The following ALDH16A1 variants were observed in gnomAD, a reference collection of about 807,000 sequenced individuals.
The protein encoded by ALDH16A1 is aldehyde dehydrogenase 16 family member A1, also known as aldehyde dehydrogenase family 16 member A1.
A neutral mutation model predicts 96.1 loss-of-function variants in ALDH16A1; 88 were observed. The observed-to-expected ratio is 0.92, with a 90% CI of 0.77 to 1.09. The LOEUF (loss-of-function observed/expected upper bound fraction) is 1.09, where lower values mean the gene tolerates loss of function less well. Ranked by LOEUF, ALDH16A1 falls within the 50% of genes least tolerant of loss-of-function variation. The pLI, the probability that ALDH16A1 is intolerant of heterozygous loss-of-function variation, is 0.00. For synonymous variants in ALDH16A1, 522 were observed against 496.4 expected (o/e 1.05, Z -0.69); for missense variants, 1,250 against 1,112.6 (o/e 1.12, Z -1.76).
chr19:49,455,127 T>C (rs1310146850), intron 1 of ALDH16A1, among the ~76,000 whole-genome samples: 1 of 136,726 alleles, frequency 7.3e-6, no homozygotes, highest in Non-Finnish European at 1.6e-5. Flanking sequence ...CCAAAAAAAA[T>C]ACAAAAATGG....
chr19:49,464,679 C>T lies in ALDH16A1; in HGVS notation c.1485C>T (p.Ser495=), dbSNP rs755256724. The change falls in exon 12 of 17, where the codon TCC becomes TCT. Residue 495 remains serine (S), a synonymous_variant. Coordinates refer to ENST00000293350, the MANE Select transcript of ALDH16A1 (RefSeq NM_153329.4). ...CCTCAGGGACCCCTGCCCGGCTGTCCTGCCTCTCCAAGAACCTGAACTATG... is the reference window on the plus strand; with the variant it reads ...CCTCAGGGACCCCTGCCCGGCTGTCTTGCCTCTCCAAGAACCTGAACTATG... ...LRPSGTPARL[S]CLSKNLNYDT... 2.5e-6 allele frequency: 4 copies of T among 1,614,218 alleles called. No homozygotes were observed. The East Asian group carries it at 8.9e-5, about 36-fold the overall frequency.
chr19:49,462,436 C>T (rs904358937), intron 7 of ALDH16A1, 134 bp from the exon 8 acceptor site: 38 of 1,182,056 alleles, frequency 3.2e-5, no homozygotes, highest in Non-Finnish European at 4.5e-5. Context: ...CATCCGGCCT[C>T]TCTGTTCTTT....
At position 49,462,669 on chromosome 19, in the gene ALDH16A1, G is replaced by A; in HGVS notation, c.1012G>A (p.Gly338Arg). ...GCTTCGGAGTGGCCGAGGGCTGGAT[G>A]GGGCCGTGGACATGGGGGCCCGGGG... is the stretch of plus-strand genomic sequence containing the variant. ...GRLRSGRGLD[G>R]AVDMGARGAA... The change falls in exon 8 of 17, where the codon GGG becomes AGG. Residue 338 changes from glycine to arginine, a missense_variant. Gly to Arg is a moderately radical substitution (Grantham distance 125). Coordinates refer to ENST00000293350, the MANE Select transcript of ALDH16A1 (RefSeq NM_153329.4). 3 of 1,611,240 alleles carry A rather than the reference G, an allele frequency of 1.9e-6. No homozygotes were observed. Among genetic ancestry groups the A allele is most frequent in the Non-Finnish European group, 2.5e-6 (3 of 1,179,584 alleles).
At position 49,463,933 on chromosome 19, in the gene ALDH16A1, C is replaced by T. The variant is rs1478695154; in HGVS notation, c.1178C>T (p.Pro393Leu). Residue 393 changes from proline (P) to leucine (L), a missense_variant, in exon 9 of 17, where the codon CCA becomes CTA. By Grantham distance (98) the Pro-to-Leu change is moderately conservative. Transcript: ENST00000293350. ...GTCTCCAACCTGCCCCCAGCCTCCC[C>T]ATGTGCCCAGGTGGAGGTGAGACCC... Reference protein sequence around the residue: ...TLVSNLPPASPCAQVEVPWPV... With the variant: ...TLVSNLPPASLCAQVEVPWPV... The T allele has an allele frequency of 1.2e-6, 2 of 1,610,744 alleles. No homozygotes were observed. The highest frequency in any genetic ancestry group is 2.7e-5 in the African/African-American group (2 of 74,846).
chr19:49,466,544 T>A (rs1190399062), intron 14 of ALDH16A1, among the ~76,000 whole-genome samples: 1 of 152,134 alleles, frequency 6.6e-6, no homozygotes, highest in Non-Finnish European at 1.5e-5. Flanking sequence ...TTTAGTGGGC[T>A]GTTAGGCGGT....
At position 49,464,743 on chromosome 19, in the gene ALDH16A1, G is replaced by A. The variant is rs750274439; in HGVS notation, c.1549G>A (p.Gly517Arg). 8.2e-5 allele frequency: 132 copies of A among 1,613,964 alleles called. No homozygotes were observed. The Admixed American group carries it at 2.0e-3, about 24-fold the overall frequency. ...GLAVPSTLPA[G>R]PEIGPSPAPP... ...CGCTGTTCCCTCAACCCTGCCGGCT[G>A]GGCCTGAAATAGGGCCCAGGTGAGT... The change falls in exon 12 of 17, where the codon GGG becomes AGG. Residue 517 changes from glycine to arginine, a missense_variant. Coordinates refer to ENST00000293350, the MANE Select transcript of ALDH16A1 (RefSeq NM_153329.4).
intron 7 of ALDH16A1, among the ~76,000 whole-genome samples, 176 bp downstream of exon 7, chr19:49,462,212 A>C (rs2079155930): frequency 7.8e-6 from 1 of 127,430 alleles, no homozygotes; most frequent in Non-Finnish European, 1.6e-5. Context: ...GGCTCACCGC[A>C]ACCTCTGCCT....
chr19:49,466,276 C>G lies in ALDH16A1; in HGVS notation c.1931C>G (p.Thr644Ser). ...GCCCGGGTGCAGGCCCAAGGCCACA[C>G]CCTGCAGGTGAAGGGTCTGTGGGCA... is the stretch of plus-strand genomic sequence containing the variant. ...WGARVQAQGH[T>S]LQVAGLRGPV... The change falls in exon 14 of 17, where the codon ACC (threonine) becomes AGC (serine). Residue 644 changes from threonine (T) to serine (S), a missense_variant. By Grantham distance (58) the Thr-to-Ser change is moderately conservative. Coordinates refer to ENST00000293350, the MANE Select transcript of ALDH16A1 (RefSeq NM_153329.4). The G allele has an allele frequency of 6.9e-7, 1 of 1,453,558 alleles. No individual in the cohort carries two copies. Among genetic ancestry groups the G allele is most frequent in the Non-Finnish European group, 9.1e-7 (1 of 1,103,014 alleles). 90.0% of individuals were successfully genotyped at this position (1,453,558 alleles called of 1,614,324 possible). A position where few individuals can be genotyped will look rare whatever the true frequency, so the allele number is the denominator to read the frequency against.
chr19:49,457,637 C>A (rs1305231153), intron 1 of ALDH16A1, among the ~76,000 whole-genome samples: 11 of 150,956 alleles, frequency 7.3e-5, no homozygotes, highest in Admixed American at 5.9e-4. Flanking sequence ...TGAGACAGAG[C>A]CTTGCTCTGT....
Position 49,453,264 on chromosome 19 carries a change from T to C in ALDH16A1, c.-68T>C. The C allele has an allele frequency of 1.4e-6, 2 of 1,410,248 alleles. No individual in the cohort carries two copies. The highest frequency in any genetic ancestry group is 1.9e-6 in the Non-Finnish European group (2 of 1,050,522). The allele number at this position is 1,410,248 out of a possible 1,614,324, so 87.4% of individuals were successfully genotyped here. ...GGGCTGGAACCGGAGGTGTCGCTCT[T>C]CGGACCTCAAGGTTCCCCTTAACAC... is the stretch of plus-strand genomic sequence containing the variant. On this transcript the variant is annotated 5_prime_UTR_variant, in exon 1 of 17. Transcript: ENST00000293350.
At position 49,465,808 on chromosome 19, in the gene ALDH16A1, A is replaced by T; in HGVS notation, c.1639A>T (p.Ile547Phe). 6.2e-7 allele frequency: 1 copy of T among 1,614,090 alleles called. No individual in the cohort carries two copies. Among genetic ancestry groups the T allele is most frequent in the Non-Finnish European group, 8.5e-7 (1 of 1,180,008 alleles). ...QAPGARSSRPIRDSSGNLHGY... is the reference protein window; with the variant it reads ...QAPGARSSRPFRDSSGNLHGY... Reference sequence around the variant, plus strand: ...TCCTGGGGCCCGAAGCTCCAGGCCCATCCGGGATTCGTCTGGCAACCTCCA... The same window carrying T: ...TCCTGGGGCCCGAAGCTCCAGGCCCTTCCGGGATTCGTCTGGCAACCTCCA... Residue 547 changes from isoleucine to phenylalanine, a missense_variant, in exon 13 of 17, where the codon ATC becomes TTC. By Grantham distance (21) the Ile-to-Phe change is conservative. Transcript: ENST00000293350.
Position 49,467,109 on chromosome 19 carries a change from C to T in ALDH16A1, c.1938+826C>T, listed in dbSNP as rs538804318. ...CATGGCTCACTGCAGCCTCAACCTCCGAGGTCCAAGTGAGCCCCCCACCTC... is the reference window on the plus strand; with the variant it reads ...CATGGCTCACTGCAGCCTCAACCTCTGAGGTCCAAGTGAGCCCCCCACCTC... On this transcript the variant is annotated intron_variant, in intron 14 of 16. Transcript: ENST00000293350. 5.3e-5 allele frequency among the ~76,000 whole-genome samples: 8 copies of T among 152,306 alleles called. No individual in the cohort carries two copies. The East Asian group carries it at 9.7e-4, about 18-fold the overall frequency.
chr19:49,466,861 C>CA (rs1213886653), intron 14 of ALDH16A1, among the ~76,000 whole-genome samples: 25 of 145,566 alleles, frequency 1.7e-4, no homozygotes, highest in Non-Finnish European at 1.0e-4. Flanking sequence ...CCTTGTGTCA[C>CA]AAAAAAAAAC....
rs562460044 is a variant in ALDH16A1, at chr19:49,468,268, A to G, written c.1939-113A>G. 1.2e-4 allele frequency: 136 copies of G among 1,112,482 alleles called. No individual in the cohort carries two copies. Among genetic ancestry groups the G allele is most frequent in the Non-Finnish European group, 1.5e-4 (118 of 789,202 alleles). The allele number at this position is 1,112,482 out of a possible 1,614,324, so 68.9% of individuals were successfully genotyped here. On this transcript the variant is annotated intron_variant, in intron 14 of 16. Coordinates refer to ENST00000293350, the MANE Select transcript of ALDH16A1 (RefSeq NM_153329.4). This position sits in a 1 kb window ranked among gnomAD's most constrained non-coding sequence, Gnocchi z 4.4. ...CTGCGAAATGGCAGGGGCTTCCACA[A>G]TGGTGCGGTTTGGGCCAACACCAAG...
chr19:49,465,696 T>C (rs575393579), intron 12 of ALDH16A1, 42 bp from the exon 13 acceptor site: 8 of 1,580,526 alleles, frequency 5.1e-6, no homozygotes, highest in African/African-American at 1.3e-5. Context: ...TCTGAGCAGA[T>C]TGAGGCCCCA....
Position 49,464,163 on chromosome 19 carries a change from A to G in ALDH16A1, c.1231A>G (p.Thr411Ala), listed in dbSNP as rs754754768. The stretch of plus-strand genomic sequence containing the variant: ...TGTGGTCGTGGCCTCCCCCTTCCGC[A>G]CAGCCAAGGAGGCACTGTTGGTGGC... ...WPVVVASPFR[T>A]AKEALLVANG... The change falls in exon 10 of 17, where the codon ACA becomes GCA. Residue 411 changes from threonine to alanine, a missense_variant. By Grantham distance (58) the Thr-to-Ala change is moderately conservative (BLOSUM62 0). Coordinates refer to ENST00000293350, the MANE Select transcript of ALDH16A1 (RefSeq NM_153329.4). 1.2e-6 allele frequency: 2 copies of G among 1,608,714 alleles called. No individual in the cohort carries two copies. The highest frequency in any genetic ancestry group is 2.2e-5 in the East Asian group (1 of 44,830).
chr19:49,467,427 C>T (rs1181910479), intron 14 of ALDH16A1, among the ~76,000 whole-genome samples: 9 of 148,050 alleles, frequency 6.1e-5, no homozygotes, highest in African/African-American at 7.6e-5. Context: ...CAGAGTCTCG[C>T]TCTGTCGCCC....
At position 49,460,844 on chromosome 19, in the gene ALDH16A1, A is replaced by T. The variant is rs2079135637; in HGVS notation, c.522A>T (p.Pro174=). The change falls in exon 5 of 17, where the codon CCA becomes CCT. Residue 174 remains proline (P), a synonymous_variant. Coordinates refer to ENST00000293350, the MANE Select transcript of ALDH16A1 (RefSeq NM_153329.4). ...CAGGAGTAATTGGCCTCATCCTGCC[A>T]CCCACATTCTCCTTCCTTGAGATGA... is the stretch of plus-strand genomic sequence containing the variant. ...EPMGVIGLIL[P]PTFSFLEMMW... The T allele has an allele frequency of 6.2e-7, 1 of 1,612,448 alleles. No homozygotes were observed. Among genetic ancestry groups the T allele is most frequent in the Non-Finnish European group, 8.5e-7 (1 of 1,179,598 alleles).
At chr19:49,462,233 GCCTGGGA>G (rs776719733) in intron 7 of ALDH16A1, among the ~76,000 whole-genome samples, 197 bp downstream of exon 7, 116,030 of 151,750 alleles carry the variant, frequency 0.76, 45,215 homozygotes, top group Middle Eastern at 0.87. Flanking sequence ...CCCAGGTTCA[GCCTGGGA>G]GTAGCTGCCT....
Sources: gnomAD v4.1 joint callset for allele counts (sites outside exome capture counted in the v4.1 genomes callset) on GRCh38, gnomAD v4.1.1 for gene constraint, Gnocchi (gnomAD v3.1) non-coding constraint, MANE v1.5 for transcripts, NCBI Gene and HGNC (gene_info 2026-07-23, HGNC 2026-07-21) for gene names.